Variants in ECT2 observed in about 807,000 individuals in gnomAD.
The protein encoded by ECT2 is epithelial cell transforming 2.
A neutral mutation model predicts 116.9 loss-of-function variants in ECT2; 61 were observed. The observed-to-expected ratio is 0.52, with a 90% CI of 0.42 to 0.65. The LOEUF (loss-of-function observed/expected upper bound fraction) is 0.65, where lower values mean the gene tolerates loss of function less well. Ranked by LOEUF, ECT2 falls within the 30% of genes least tolerant of loss-of-function variation. The pLI is 0.00. For synonymous variants in ECT2, 358 were observed against 346.4 expected (o/e 1.03, Z -0.37); for missense variants, 937 against 1,078.7 (o/e 0.87, Z 1.84).
At chr3:172,766,349 G>GT (rs1387649690) in intron 12 of ECT2, among the ~76,000 whole-genome samples, 1 of 152,196 alleles carries the variant, frequency 6.6e-6, no homozygotes, top group Non-Finnish European at 1.5e-5. Context: ...AAATAAGACT[G>GT]TAATATCTGA....
chr3:172,828,665 C>A, the ECT2 span: 1 of 289,072 alleles, frequency 3.5e-6, no homozygotes, highest in Non-Finnish European at 6.5e-6. Context: ...AAGCTTAGTA[C>A]ACCCCAGCAC....
chr3:172,810,849 A>C (rs553689601), intron 22 of ECT2, among the ~76,000 whole-genome samples: 1 of 152,276 alleles, frequency 6.6e-6, no homozygotes, highest in African/African-American at 2.4e-5. Context: ...AATTAATATT[A>C]TATATCTCAG....
intron 1 of ECT2, chr3:172,752,349 C>CT (rs1253353940): frequency 1.3e-5 from 2 of 152,182 alleles, no homozygotes; most frequent in East Asian, 3.9e-4. Flanking sequence ...AGGCTGGTCT[C>CT]GAACTCCTGA....
intron 18 of ECT2, among the ~76,000 whole-genome samples, chr3:172,801,126 T>C (rs1178797168): frequency 6.6e-6 from 1 of 152,224 alleles, no homozygotes; most frequent in Non-Finnish European, 1.5e-5. Context: ...AATTTTTTTT[T>C]TCTCATTAGT....
chr3:172,775,655 G>A (rs1721517921), intron 14 of ECT2, among the ~76,000 whole-genome samples: 1 of 150,560 alleles, frequency 6.6e-6, no homozygotes, highest in Admixed American at 6.6e-5. Flanking sequence ...TTTTTTTGAG[G>A]TGGAGTCTCA....
At chr3:172,817,430 A>G (rs1729939554) in intron 24 of ECT2, among the ~76,000 whole-genome samples, 1 of 152,124 alleles carries the variant, frequency 6.6e-6, no homozygotes. Flanking sequence ...AACGCGTTTC[A>G]ATCTGGCCTG....
intron 24 of ECT2, chr3:172,818,886 T>C: frequency 8.9e-7 from 1 of 1,126,084 alleles, no homozygotes; most frequent in Non-Finnish European, 1.1e-6. Context: ...CTCCAAGGAA[T>C]CACTTATTTG....
chr3:172,792,072 A>G (rs539190363), intron 18 of ECT2, among the ~76,000 whole-genome samples: 13 of 152,316 alleles, frequency 8.5e-5, no homozygotes, highest in African/African-American at 2.9e-4. Context: ...TGGAGCACTC[A>G]GAACACACAC....
In ECT2 at chr3:172,815,587, GT is replaced by G; in HGVS notation, c.2401-16del. On this transcript the variant is annotated splice_polypyrimidine_tract_variant and intron_variant, in intron 22 of 24. Transcript: ENST00000392692. Reference sequence around the variant, plus strand: ...TTGTGTGTTTTTAAGATAACAAAAAGTATTATTTTTCAATAGGAGAATCTTA... The same window carrying G: ...TTGTGTGTTTTTAAGATAACAAAAAGATTATTTTTCAATAGGAGAATCTTA... The G allele has an allele frequency of 6.8e-7, 1 of 1,461,478 alleles. No homozygotes were observed. Among genetic ancestry groups the G allele is most frequent in the Non-Finnish European group, 9.4e-7 (1 of 1,065,688 alleles). The allele number at this position is 1,461,478 out of a possible 1,614,324, so 90.5% of individuals were successfully genotyped here.
rs766765424 is a variant in ECT2, at chr3:172,774,036, T to A, written c.1548+14T>A. ...ACTAAGATAAAGGTAAATTTGTATA[T>A]GTTAGATTGGTAGTAATTTTTTTCA... On this transcript the variant is annotated intron_variant, in intron 14 of 24. Transcript: ENST00000392692. The A allele has an allele frequency of 7.5e-6, 12 of 1,606,238 alleles. No individual in the cohort carries two copies. Among genetic ancestry groups the A allele is most frequent in the Non-Finnish European group, 1.0e-5 (12 of 1,173,976 alleles).
chr3:172,799,959 T>G (rs1165170896), intron 18 of ECT2, among the ~76,000 whole-genome samples: 1 of 152,224 alleles, frequency 6.6e-6, no homozygotes, highest in Non-Finnish European at 1.5e-5. Flanking sequence ...TTCTGTCCTC[T>G]TTGTTACTCA....
At chr3:172,778,669 C>T (rs1722179452) in intron 14 of ECT2, among the ~76,000 whole-genome samples, 1 of 140,744 alleles carries the variant, frequency 7.1e-6, no homozygotes, top group Non-Finnish European at 1.5e-5. Context: ...AATCTCAGCT[C>T]ACTGCAACCT....
intron 18 of ECT2, among the ~76,000 whole-genome samples, chr3:172,797,224 G>A (rs990635155): frequency 2.0e-5 from 3 of 148,624 alleles, no homozygotes; most frequent in Non-Finnish European, 4.5e-5. Flanking sequence ...TTTTAGAGAT[G>A]TGCTTTTGCC....
Position 172,797,204 on chromosome 3 carries a change from A to ATT in ECT2, c.1908-5400_1908-5399dup, listed in dbSNP as rs35016664. On this transcript the variant is annotated intron_variant, in intron 18 of 24. Coordinates refer to ENST00000392692, the MANE Select transcript of ECT2 (RefSeq NM_001258315.2). ...ACCACCGTGCCTAGCTAATTTTTGT[A>ATT]TTTTTTTTTTTTTAGAGATGTGCTT... 2.5e-3 allele frequency among the ~76,000 whole-genome samples: 359 copies of ATT among 145,742 alleles called. 2 individuals carry two copies. The highest frequency in any genetic ancestry group is 0.011 in the East Asian group (57 of 4,992).
chr3:172,828,795 G>C, the ECT2 span: 1 of 703,062 alleles, frequency 1.4e-6, no homozygotes, highest in South Asian at 1.5e-5. Context: ...GCCTCAGACA[G>C]GCCAACGCCC....
Position 172,802,328 on chromosome 3 carries a change from G to C in ECT2, c.1908-288G>C, listed in dbSNP as rs1353086100. Among the ~76,000 whole-genome samples, 27 of 152,076 alleles carry C rather than the reference G, an allele frequency of 1.8e-4. 1 individual carries two copies. Among genetic ancestry groups the C allele is most frequent in the Admixed American group, 1.8e-3 (27 of 15,266 alleles). ...AGAGTTTCACCATGTTGGTCAGGCTGGTCTCGAACTCCTGACTTCAGTGAT... is the reference window on the plus strand; with the variant it reads ...AGAGTTTCACCATGTTGGTCAGGCTCGTCTCGAACTCCTGACTTCAGTGAT... On this transcript the variant is annotated intron_variant, in intron 18 of 24. Coordinates refer to ENST00000392692, the MANE Select transcript of ECT2 (RefSeq NM_001258315.2).
intron 22 of ECT2, among the ~76,000 whole-genome samples, chr3:172,814,462 A>C (rs1729343441): frequency 6.6e-6 from 1 of 152,108 alleles, no homozygotes; most frequent in African/African-American, 2.4e-5. Flanking sequence ...CCAGCATAAC[A>C]AGGCAATTTG....
At chr3:172,802,827 G>A (rs1726967208) in intron 19 of ECT2, 34 bp from the exon 20 acceptor site, 1 of 1,586,300 alleles carries the variant, frequency 6.3e-7, no homozygotes, top group Non-Finnish European at 8.6e-7. Flanking sequence ...TTGATACCAA[G>A]TGATCTCTTT....
At chr3:172,777,030 C>T (rs1721866130) in intron 14 of ECT2, among the ~76,000 whole-genome samples, 1 of 152,040 alleles carries the variant, frequency 6.6e-6, no homozygotes, top group African/African-American at 2.4e-5. Flanking sequence ...CGCCACCACA[C>T]CTGGCTAATT....
Sources: allele counts gnomAD v4.1 joint callset (sites outside exome capture counted in the v4.1 genomes callset), GRCh38; gene constraint gnomAD v4.1.1; transcripts MANE v1.5; gene names NCBI Gene and HGNC (gene_info 2026-07-23, HGNC 2026-07-21).